NTN1: variants seen among roughly 807,000 people sequenced by gnomAD.
NTN1 encodes netrin-1.
NTN1 carries 11 observed loss-of-function variants against 54.2 expected under a neutral mutation model. The observed-to-expected ratio is 0.20, with a 90% CI of 0.13 to 0.34. The LOEUF is 0.34. Ranked by LOEUF, NTN1 falls within the 10% of genes least tolerant of loss-of-function variation. The pLI is 1.00. For synonymous variants in NTN1, 371 were observed against 382.0 expected (o/e 0.97, Z 0.33); for missense variants, 740 against 893.1 (o/e 0.83, Z 2.18).
chr17:9,114,166 A>AAAATAT (rs1555569108), intron 2 of NTN1, among the ~76,000 whole-genome samples: 48 of 74,612 alleles, frequency 6.4e-4, no homozygotes, highest in African/African-American at 2.6e-3. Flanking sequence ...AAAAAAAAAA[A>AAAATAT]ATATATATAT....
At chr17:9,146,919 G>A (rs1008095524) in intron 2 of NTN1, among the ~76,000 whole-genome samples, 9 of 151,970 alleles carry the variant, frequency 5.9e-5, no homozygotes, top group South Asian at 2.1e-4. Flanking sequence ...GTAATACCCC[G>A]GCATCGGTGT....
chr17:9,221,299 G>T lies in NTN1; in HGVS notation c.1486+57G>T, dbSNP rs1349840769. On this transcript the variant is annotated intron_variant, in intron 6 of 6. Coordinates refer to ENST00000173229, the MANE Select transcript of NTN1 (RefSeq NM_004822.3). This position sits in a 1 kb window ranked among gnomAD's most constrained non-coding sequence, Gnocchi z 4.5. ...GGGAGGGGGCCACGTGACCAGCGAG[G>T]TGCTGGGGCTGGGGTGCAGCTGGCC... 6 of 1,410,624 alleles carry T rather than the reference G, an allele frequency of 4.3e-6. No homozygotes were observed. The Admixed American group carries it at 6.7e-5, about 16-fold the overall frequency. The allele number at this position is 1,410,624 out of a possible 1,614,324, so 87.4% of individuals were successfully genotyped here.
At position 9,198,732 on chromosome 17, in the gene NTN1, G is replaced by A. The variant is rs566667468; in HGVS notation, c.1411+15763G>A. On this transcript the variant is annotated intron_variant, in intron 5 of 6. Transcript: ENST00000173229. Reference sequence around the variant, plus strand: ...ACCAGAGACCAAGGGGAACTGGAGCGAGAGAATCACAGCCCAGGAGTTCAG... The same window carrying A: ...ACCAGAGACCAAGGGGAACTGGAGCAAGAGAATCACAGCCCAGGAGTTCAG... Among the ~76,000 whole-genome samples the A allele has an allele frequency of 7.2e-5, 11 of 152,298 alleles. No individual in the cohort carries two copies. In the East Asian group the frequency reaches 1.5e-3, roughly 21 times the overall value.
chr17:9,188,171 G>C (rs1456384845), intron 5 of NTN1, among the ~76,000 whole-genome samples: 1 of 152,190 alleles, frequency 6.6e-6, no homozygotes, highest in African/African-American at 2.4e-5. Flanking sequence ...GCTCACGCCT[G>C]TAATCCCGGC....
chr17:9,171,807 AG>A (rs1253247019), intron 3 of NTN1: 1 of 151,064 alleles, frequency 6.6e-6, no homozygotes, highest in Non-Finnish European at 1.5e-5. Flanking sequence ...TGGTGTCTGG[AG>A]AGGAGTTGGG....
rs1905289930 is a variant in NTN1, at chr17:9,219,763, C to G, written c.1412-1405C>G. On this transcript the variant is annotated intron_variant, in intron 5 of 6. Transcript: ENST00000173229. This position sits in a 1 kb window ranked among gnomAD's most constrained non-coding sequence, Gnocchi z 4.5. ...TCCCACACAAATCACTCCTCCCCTA[C>G]CTTGACCTTTGTTTTCCCCTCTGCG... Among the ~76,000 whole-genome samples, 1 of 152,230 alleles carries G rather than the reference C, an allele frequency of 6.6e-6. No homozygotes were observed. Among genetic ancestry groups the G allele is most frequent in the South Asian group, 2.1e-4 (1 of 4,836 alleles).
At chr17:9,034,671 C>T (rs1452998056) in intron 2 of NTN1, among the ~76,000 whole-genome samples, 2 of 152,014 alleles carry the variant, frequency 1.3e-5, no homozygotes, top group African/African-American at 4.8e-5. Flanking sequence ...GATCCACCCA[C>T]CTCAGCCTCC....
At position 9,071,013 on chromosome 17, in the gene NTN1, C is replaced by T. The variant is rs144750413; in HGVS notation, c.1018+47622C>T. Among the ~76,000 whole-genome samples the T allele has an allele frequency of 5.4e-3, 828 of 152,260 alleles. 1 individual carries two copies. Among genetic ancestry groups the T allele is most frequent in the Non-Finnish European group, 8.7e-3 (594 of 68,016 alleles). ...ACTGTTTCAGACCATTCCCATGCTG[C>T]GTGTCCGCCACGTTGCTTCCACAGA... On this transcript the variant is annotated intron_variant, in intron 2 of 6. Coordinates refer to ENST00000173229, the MANE Select transcript of NTN1 (RefSeq NM_004822.3).
rs1191731487 is a variant in NTN1, at chr17:9,212,722, G to T, written c.1412-8446G>T. On this transcript the variant is annotated intron_variant, in intron 5 of 6. Transcript: ENST00000173229. The surrounding 1 kb of genome is among the most constrained non-coding windows in gnomAD (Gnocchi z 5.5). ...GGGGAGGACAGACCATGTTGGCTGG[G>T]TGTCCCTCACTCATTACACCCCCTG... 6.6e-6 allele frequency among the ~76,000 whole-genome samples: 1 copy of T among 152,164 alleles called. No individual in the cohort carries two copies. The highest frequency in any genetic ancestry group is 6.5e-5 in the Admixed American group (1 of 15,278).
At chr17:9,114,154 A>ATATATATATATATATATATATAT (rs1491588506) in intron 2 of NTN1, among the ~76,000 whole-genome samples, 1 of 39,204 alleles carries the variant, frequency 2.6e-5, no homozygotes, top group African/African-American at 9.3e-5. Context: ...AAAAAAAAAG[A>ATATATATATATATATATATATAT]AAAAAAAAAA....
intron 5 of NTN1, among the ~76,000 whole-genome samples, chr17:9,192,222 G>A (rs1904482373): frequency 1.3e-5 from 2 of 152,338 alleles, no homozygotes; most frequent in South Asian, 4.1e-4. Flanking sequence ...TAGCTACAGA[G>A]ATGAATATTG....
At position 9,057,577 on chromosome 17, in the gene NTN1, A is replaced by G. The variant is rs369731207; in HGVS notation, c.1018+34186A>G. On this transcript the variant is annotated intron_variant, in intron 2 of 6. Coordinates refer to ENST00000173229, the MANE Select transcript of NTN1 (RefSeq NM_004822.3). ...TTCATTGATTTCTCGGGTATTTTCC[A>G]TTCTGTAATACTTTGGCTGCTGTTT... is the stretch of plus-strand genomic sequence containing the variant. Among the ~76,000 whole-genome samples the G allele has an allele frequency of 1.1e-3, 172 of 152,096 alleles. 9 individuals carry two copies. The South Asian group carries it at 0.02, about 18-fold the overall frequency.
intron 2 of NTN1, among the ~76,000 whole-genome samples, chr17:9,070,514 G>A (rs962300005): frequency 6.6e-6 from 1 of 151,876 alleles, no homozygotes; most frequent in Admixed American, 6.6e-5. Context: ...ATGAAAAGAT[G>A]GAATTAGGAC....
chr17:9,132,933 G>T lies in NTN1; in HGVS notation c.1019-29880G>T, dbSNP rs186887946. 2.0e-5 allele frequency among the ~76,000 whole-genome samples: 3 copies of T among 152,176 alleles called. No homozygotes were observed. In the East Asian group the frequency reaches 5.8e-4, roughly 29 times the overall value. On this transcript the variant is annotated intron_variant, in intron 2 of 6. Coordinates refer to ENST00000173229, the MANE Select transcript of NTN1 (RefSeq NM_004822.3). The stretch of plus-strand genomic sequence containing the variant: ...AATACCAAATTCCCTTTAACTGAGG[G>T]TCAAAATGAGCTGAGTGTGGCCCAG...
At chr17:9,186,747 G>A (rs2092434535) in intron 5 of NTN1, among the ~76,000 whole-genome samples, 1 of 152,238 alleles carries the variant, frequency 6.6e-6, no homozygotes, top group African/African-American at 2.4e-5. Context: ...GTCACTTCCG[G>A]TGGCCTCTCG....
At chr17:9,151,186 C>T (rs1321289971) in intron 2 of NTN1, among the ~76,000 whole-genome samples, 1 of 152,142 alleles carries the variant, frequency 6.6e-6, no homozygotes, top group Non-Finnish European at 1.5e-5. Flanking sequence ...TCCTAGCAGC[C>T]CTTTTGTCTG....
intron 2 of NTN1, among the ~76,000 whole-genome samples, chr17:9,067,124 A>C (rs543601503): frequency 2.7e-5 from 4 of 148,040 alleles, no homozygotes; most frequent in African/African-American, 1.0e-4. Context: ...AAAATTAGCC[A>C]GGCATGGTGG....
At chr17:9,004,445 G>A in the NTN1 span, among the ~76,000 whole-genome samples, 5 of 152,240 alleles carry the variant, frequency 3.3e-5, no homozygotes, top group African/African-American at 9.6e-5. Flanking sequence ...GGTCCGCCTG[G>A]GGACATCTGC....
At chr17:9,188,164 C>T (rs530237141) in intron 5 of NTN1, among the ~76,000 whole-genome samples, 1 of 152,276 alleles carries the variant, frequency 6.6e-6, no homozygotes, top group South Asian at 2.1e-4. Flanking sequence ...TGCAGTGGCT[C>T]ACGCCTGTAA....
Sources: gnomAD v4.1 joint callset for allele counts (sites outside exome capture counted in the v4.1 genomes callset) on GRCh38, gnomAD v4.1.1 for gene constraint, Gnocchi (gnomAD v3.1) non-coding constraint, MANE v1.5 for transcripts, NCBI Gene and HGNC (gene_info 2026-07-23, HGNC 2026-07-21) for gene names.